CFAP57: variants seen among roughly 807,000 people sequenced by gnomAD.
The protein encoded by CFAP57 is cilia- and flagella-associated protein 57.
In CFAP57, 116 loss-of-function variants were observed where a neutral mutation model predicts 146.8. The ratio of observed to expected loss-of-function variants is 0.79; its 90% CI spans 0.68 to 0.92. The LOEUF (loss-of-function observed/expected upper bound fraction) is 0.92, where lower values mean the gene tolerates loss of function less well. Ranked by LOEUF, CFAP57 falls within the 40% of genes least tolerant of loss-of-function variation. The probability of loss-of-function intolerance (pLI) is 0.00; values close to 1 mark genes in which losing one functional copy is unlikely to be tolerated. For synonymous variants in CFAP57, 518 were observed against 552.8 expected (o/e 0.94, Z 0.88); for missense variants, 1,377 against 1,527.2 (o/e 0.90, Z 1.64).
chr1:43,235,184 A>C (rs1645640736), intron 21 of CFAP57, among the ~76,000 whole-genome samples: 1 of 151,940 alleles, frequency 6.6e-6, no homozygotes, highest in Non-Finnish European at 1.5e-5. Context: ...AGTTAGCCAC[A>C]ACGTCCCAGA....
At chr1:43,252,160 CTG>C (rs1646340149) in intron 22 of CFAP57, among the ~76,000 whole-genome samples, 1 of 151,962 alleles carries the variant, frequency 6.6e-6, no homozygotes, top group South Asian at 2.1e-4. Flanking sequence ...ACAAGGATAT[CTG>C]TTTTAAAAAC....
intron 12 of CFAP57, among the ~76,000 whole-genome samples, chr1:43,217,204 T>G (rs1440404181): frequency 6.6e-6 from 1 of 152,120 alleles, no homozygotes; most frequent in Non-Finnish European, 1.5e-5. Context: ...GAGAAACAGG[T>G]CAGGGGGGCC....
chr1:43,227,088 G>A lies in CFAP57; in HGVS notation c.2971G>A (p.Glu991Lys). Reference sequence around the variant, plus strand: ...GCTGAAGAAGCAAATAGAACCTCGAGAGAATGAGATCAGGGTGATGAAGGA... The same window carrying A: ...GCTGAAGAAGCAAATAGAACCTCGAAAGAATGAGATCAGGGTGATGAAGGA... ...KELKKQIEPR[E>K]NEIRVMKEQI... is the part of the protein sequence containing the mutation. Residue 991 changes from glutamate (E) to lysine (K), a missense_variant, in exon 18 of 23, where the codon GAG becomes AAG. By Grantham distance (56) the Glu-to-Lys change is moderately conservative. Transcript: ENST00000372492. 6.5e-7 allele frequency: 1 copy of A among 1,544,366 alleles called. No individual in the cohort carries two copies. Among genetic ancestry groups the A allele is most frequent in the East Asian group, 2.5e-5 (1 of 40,556 alleles).
chr1:43,175,532 A>G (rs148129702), intron 2 of CFAP57, among the ~76,000 whole-genome samples: 2 of 151,950 alleles, frequency 1.3e-5, no homozygotes, highest in African/African-American at 4.8e-5. Flanking sequence ...TTTTTAAGAA[A>G]CCAGGTCTCA....
chr1:43,231,404 C>A (rs1435292352), intron 18 of CFAP57, among the ~76,000 whole-genome samples: 1 of 152,120 alleles, frequency 6.6e-6, no homozygotes, highest in East Asian at 1.9e-4. Context: ...GCAAACCTCC[C>A]TCTTATCAGA....
intron 4 of CFAP57, among the ~76,000 whole-genome samples, chr1:43,184,647 C>T (rs1198939265): frequency 2.0e-5 from 3 of 151,944 alleles, no homozygotes; most frequent in African/African-American, 4.8e-5. Context: ...GAGCCTGGGC[C>T]CTCAACCCCA....
intron 22 of CFAP57, among the ~76,000 whole-genome samples, chr1:43,243,952 T>G (rs1031508259): frequency 1.3e-5 from 2 of 152,184 alleles, no homozygotes; most frequent in African/African-American, 4.8e-5. Flanking sequence ...AACAAAGAAA[T>G]ATGATCGTTT....
chr1:43,235,006 A>G (rs1244115157), intron 21 of CFAP57, among the ~76,000 whole-genome samples: 2 of 151,612 alleles, frequency 1.3e-5, no homozygotes, highest in Non-Finnish European at 2.9e-5. Flanking sequence ...ACCTTCATCC[A>G]CATCATCTTA....
chr1:43,243,493 C>T, intron 22 of CFAP57, 134 bp downstream of exon 22: 1 of 927,092 alleles, frequency 1.1e-6, no homozygotes, highest in Non-Finnish European at 1.5e-6. Context: ...CTGTCCGGGG[C>T]ACACACCTGC....
At chr1:43,218,115 A>G (rs1337075644) in intron 12 of CFAP57, among the ~76,000 whole-genome samples, 2 of 152,214 alleles carry the variant, frequency 1.3e-5, no homozygotes, top group Admixed American at 1.3e-4. Context: ...CTTGATGTCA[A>G]GTCGTTCACA....
At chr1:43,220,355 A>G (rs1644997523) in intron 13 of CFAP57, among the ~76,000 whole-genome samples, 1 of 152,238 alleles carries the variant, frequency 6.6e-6, no homozygotes, top group Non-Finnish European at 1.5e-5. Flanking sequence ...ATTAGTCTAC[A>G]TGGCCTTTAC....
At chr1:43,230,129 G>GA (rs1557812601) in intron 18 of CFAP57, among the ~76,000 whole-genome samples, 1 of 152,080 alleles carries the variant, frequency 6.6e-6, no homozygotes, top group East Asian at 1.9e-4. Context: ...TTGCCTGGGG[G>GA]AAAAAATGAA....
intron 22 of CFAP57, among the ~76,000 whole-genome samples, chr1:43,247,050 A>C (rs1410348675): frequency 6.6e-6 from 1 of 152,248 alleles, no homozygotes; most frequent in East Asian, 1.9e-4. Flanking sequence ...AGTGACTCAC[A>C]CTAGAAACAA....
intron 10 of CFAP57, among the ~76,000 whole-genome samples, chr1:43,208,090 C>T (rs1644432591): frequency 6.6e-6 from 1 of 152,178 alleles, no homozygotes; most frequent in Non-Finnish European, 1.5e-5. Context: ...CAAATCAAAA[C>T]CACAGTGAGG....
At chr1:43,215,769 A>G (rs1016104816) in intron 12 of CFAP57, among the ~76,000 whole-genome samples, 4 of 152,264 alleles carry the variant, frequency 2.6e-5, no homozygotes, top group African/African-American at 9.6e-5. Flanking sequence ...AAGACAATCA[A>G]TAAATATTTA....
intron 19 of CFAP57, among the ~76,000 whole-genome samples, chr1:43,233,458 C>A (rs192907914): frequency 2.0e-3 from 307 of 151,320 alleles, no homozygotes; most frequent in African/African-American, 7.3e-3. Context: ...CACCGCACTC[C>A]AGCCTGGGTG....
chr1:43,214,648 C>A (rs1644766166), intron 11 of CFAP57, among the ~76,000 whole-genome samples: 1 of 152,092 alleles, frequency 6.6e-6, no homozygotes, highest in South Asian at 2.1e-4. Context: ...AGTATAATTG[C>A]TGAATCATAT....
chr1:43,185,305 G>C lies in CFAP57; in HGVS notation c.918G>C (p.Leu306=), dbSNP rs1642975359. The C allele has an allele frequency of 2.5e-6, 4 of 1,613,958 alleles. No individual in the cohort carries two copies. Among genetic ancestry groups the C allele is most frequent in the Non-Finnish European group, 2.5e-6 (3 of 1,180,030 alleles). ...CTGCTGGGCCAGGGAGAGTTCTGCT[G>C]TTTGAGAAGATGGAAGAAAAGGATT... ...ACSAGPGRVL[L]FEKMEEKDFY... The change falls in exon 5 of 23, where the codon CTG becomes CTC. Residue 306 remains leucine (L), a synonymous_variant. Transcript: ENST00000372492.
Position 43,245,615 on chromosome 1 carries a change from C to T in CFAP57, c.3538+2256C>T, listed in dbSNP as rs573638997. On this transcript the variant is annotated intron_variant, in intron 22 of 22. Transcript: ENST00000372492. ...AATCCAATGTATGCCACAAAACCCT[C>T]AAAAGGCTCAGGAATGATCAGAAGC... 2.6e-5 allele frequency among the ~76,000 whole-genome samples: 4 copies of T among 152,182 alleles called. No individual in the cohort carries two copies. In the East Asian group the frequency reaches 5.8e-4, roughly 22 times the overall value.
Sources: allele counts gnomAD v4.1 joint callset (sites outside exome capture counted in the v4.1 genomes callset), GRCh38; gene constraint gnomAD v4.1.1; transcripts MANE v1.5; gene names NCBI Gene and HGNC (gene_info 2026-07-23, HGNC 2026-07-21).